FAM163A: variants seen among roughly 807,000 people sequenced by gnomAD.
The protein encoded by FAM163A is protein FAM163A.
In FAM163A, 7 loss-of-function variants were observed where a neutral mutation model predicts 12.0. The ratio of observed to expected loss-of-function variants is 0.58; its 90% CI spans 0.33 to 1.10. FAM163A has a LOEUF of 1.10. Ranked by LOEUF, FAM163A falls within the 50% of genes least tolerant of loss-of-function variation. The probability of loss-of-function intolerance (pLI) is 0.03; values close to 1 mark genes in which losing one functional copy is unlikely to be tolerated. For missense variants in FAM163A, 202 were observed against 218.6 expected, an observed-to-expected ratio of 0.92 and a Z score of 0.48; for synonymous variants, 101 against 91.0, an observed-to-expected ratio of 1.11 and a Z score of -0.62.
intron 1 of FAM163A, among the ~76,000 whole-genome samples, chr1:179,751,404 A>G (rs1685254550): frequency 6.6e-6 from 1 of 152,186 alleles, no homozygotes; most frequent in African/African-American, 2.4e-5. Context: ...AAGAGAAAGC[A>G]TAGGTGCTGC....
chr1:179,752,209 C>T (rs1013663541), intron 1 of FAM163A, among the ~76,000 whole-genome samples: 1 of 152,114 alleles, frequency 6.6e-6, no homozygotes, highest in Non-Finnish European at 1.5e-5. Flanking sequence ...AGGATAGTCT[C>T]TTCAACAAAT....
At chr1:179,805,911 C>T (rs1379688837) in intron 1 of FAM163A, among the ~76,000 whole-genome samples, 1 of 152,358 alleles carries the variant, frequency 6.6e-6, no homozygotes. Flanking sequence ...ATCTCTCTTC[C>T]AGGAGTCTTT....
intron 1 of FAM163A, among the ~76,000 whole-genome samples, chr1:179,799,410 G>A (rs181748271): frequency 1.4e-4 from 22 of 152,392 alleles, no homozygotes; most frequent in Admixed American, 9.8e-4. Context: ...CCAGGAAAGA[G>A]CACTGACTCT....
intron 1 of FAM163A, among the ~76,000 whole-genome samples, chr1:179,785,174 C>T (rs995494133): frequency 6.6e-6 from 1 of 152,206 alleles, no homozygotes; most frequent in Non-Finnish European, 1.5e-5. Context: ...TCCCACCCCC[C>T]ATTCCTCACC....
intron 1 of FAM163A, among the ~76,000 whole-genome samples, chr1:179,783,882 A>G (rs898879565): frequency 6.7e-6 from 1 of 148,680 alleles, no homozygotes; most frequent in Admixed American, 6.8e-5. Context: ...TAAAAAAGAG[A>G]AACTAAAATA....
intron 1 of FAM163A, among the ~76,000 whole-genome samples, chr1:179,750,291 T>A (rs59364186): frequency 0.23 from 34,845 of 152,076 alleles, 4,697 homozygotes; most frequent in East Asian, 0.63. Context: ...TTGAAGTCAT[T>A]CAGGGGAAAC....
chr1:179,812,985 C>T (rs1448498137), intron 3 of FAM163A, 91 bp from the exon 4 acceptor site: 4 of 1,255,562 alleles, frequency 3.2e-6, no homozygotes, highest in African/African-American at 3.0e-5. Context: ...GCCCCCTGCC[C>T]CAGCCTCGGG....
At position 179,775,998 on chromosome 1, in the gene FAM163A, G is replaced by T. The variant is rs1354525283; in HGVS notation, c.-135-31800G>T. Among the ~76,000 whole-genome samples the T allele has an allele frequency of 2.0e-5, 3 of 152,308 alleles. No homozygotes were observed. In the South Asian group the frequency reaches 6.2e-4, roughly 32 times the overall value. On this transcript the variant is annotated intron_variant, in intron 1 of 4. Coordinates refer to ENST00000341785, the MANE Select transcript of FAM163A (RefSeq NM_173509.3). ...CAGACAAGCCTGAATGAATTGATCA[G>T]ATGGGGTGGGGGTTGGGTGGCATTA...
At chr1:179,788,209 A>C (rs1371920865) in intron 1 of FAM163A, among the ~76,000 whole-genome samples, 1 of 152,208 alleles carries the variant, frequency 6.6e-6, no homozygotes, top group Non-Finnish European at 1.5e-5. Flanking sequence ...TCAAGCCAAG[A>C]GAATTCTTCT....
chr1:179,737,413 T>C, the FAM163A span, among the ~76,000 whole-genome samples: 12 of 152,194 alleles, frequency 7.9e-5, no homozygotes, highest in Non-Finnish European at 1.8e-4. Flanking sequence ...ACAAGATGAA[T>C]AAATTCCAGA....
intron 4 of FAM163A, 65 bp downstream of exon 4, chr1:179,813,255 G>T: frequency 2.1e-6 from 3 of 1,461,648 alleles, no homozygotes; most frequent in Non-Finnish European, 2.8e-6. Flanking sequence ...TTCATTATGG[G>T]GGCAGAAACT....
intron 1 of FAM163A, among the ~76,000 whole-genome samples, chr1:179,802,100 A>G (rs1462790622): frequency 2.0e-5 from 3 of 152,190 alleles, no homozygotes; most frequent in South Asian, 2.1e-4. Context: ...TAAGTTAACT[A>G]TATTCTTCAG....
intron 1 of FAM163A, among the ~76,000 whole-genome samples, chr1:179,798,487 G>A (rs1692697278): frequency 1.3e-5 from 2 of 152,228 alleles, no homozygotes; most frequent in Admixed American, 6.5e-5. Context: ...TACTCAGCAG[G>A]CCTACTGCCG....
intron 1 of FAM163A, among the ~76,000 whole-genome samples, chr1:179,787,579 A>G (rs1364170283): frequency 6.6e-6 from 1 of 152,202 alleles, no homozygotes; most frequent in East Asian, 1.9e-4. Flanking sequence ...TTCACAGAGG[A>G]GGAGCCTTGC....
intron 1 of FAM163A, among the ~76,000 whole-genome samples, chr1:179,764,686 T>C (rs118083340): frequency 6.6e-6 from 1 of 152,062 alleles, no homozygotes; most frequent in Non-Finnish European, 1.5e-5. Flanking sequence ...GAAACGGCTG[T>C]TGGGGGAGAG....
chr1:179,739,444 G>GC (rs1557877856), upstream of FAM163A, among the ~76,000 whole-genome samples: 4 of 152,182 alleles, frequency 2.6e-5, no homozygotes, highest in African/African-American at 9.7e-5. Flanking sequence ...CCAACTCATG[G>GC]CCCACTGGCC....
rs1259886850 is a variant in FAM163A at position 179,744,242 on chromosome 1, C to T, written c.-136+819C>T. Among the ~76,000 whole-genome samples the T allele has an allele frequency of 3.3e-5, 5 of 152,080 alleles. No individual in the cohort carries two copies. In the East Asian group the frequency reaches 9.7e-4, roughly 29 times the overall value. On this transcript the variant is annotated intron_variant, in intron 1 of 4. Transcript: ENST00000341785. ...TGTCCTTGCTCCCGAGGCCCCAGAG[C>T]GGGCGACCGCACTCCGATTCCAGAG...
intron 2 of FAM163A, among the ~76,000 whole-genome samples, chr1:179,811,835 G>A (rs557265668): frequency 2.3e-4 from 35 of 152,286 alleles, no homozygotes; most frequent in African/African-American, 6.7e-4. Context: ...CAGACAGGTC[G>A]GAGGAGAGGA....
the FAM163A span, among the ~76,000 whole-genome samples, chr1:179,732,880 CAA>C: frequency 0.028 from 1,092 of 39,018 alleles, 12 homozygotes; most frequent in African/African-American, 0.11. Context: ...GACTCTGCCT[CAA>C]AAAAAAAAAA....
Sources: gnomAD v4.1 joint callset for allele counts (sites outside exome capture counted in the v4.1 genomes callset) on GRCh38, gnomAD v4.1.1 for gene constraint, MANE v1.5 for transcripts, NCBI Gene and HGNC (gene_info 2026-07-23, HGNC 2026-07-21) for gene names.